Variants in SHOX observed in about 807,000 individuals in gnomAD.
The protein encoded by SHOX is short stature homeobox protein.
A neutral mutation model predicts 29.6 loss-of-function variants in SHOX; 12 were observed. The observed-to-expected ratio is 0.41, with a 90% confidence interval of 0.26 to 0.66. The LOEUF (loss-of-function observed/expected upper bound fraction) is 0.66. SHOX is among the 30% of genes least tolerant of loss of function. The probability of loss-of-function intolerance (pLI) is 0.35; values close to 1 mark genes in which losing one functional copy is unlikely to be tolerated. For synonymous variants in SHOX, 214 were observed against 200.6 expected, an observed-to-expected ratio of 1.07 and a Z score of -0.57; for missense variants, 499 against 437.7, an observed-to-expected ratio of 1.14 and a Z score of -1.25.
Position 641,056 on chromosome X carries a change from A to T in SHOX, c.602A>T (p.Asn201Ile). ...LDACRVAPYVNMGALRMPFQQ... is the reference protein window; with the variant it reads ...LDACRVAPYVIMGALRMPFQQ... ...GCCTGCCGAGTGGCACCCTACGTCA[A>T]CATGGGAGCCTTACGGATGCCTTTC... The change falls in exon 4 of 5, where the codon AAC (asparagine) becomes ATC (isoleucine). Residue 201 changes from asparagine to isoleucine, a missense_variant. By Grantham distance (149) the Asn-to-Ile change is moderately radical. Transcript: ENST00000686671. 1 of 1,613,814 alleles carries T rather than the reference A, an allele frequency of 6.2e-7. No individual in the cohort carries two copies. Among genetic ancestry groups the T allele is most frequent in the Non-Finnish European group, 8.5e-7 (1 of 1,179,826 alleles).
chrX:644,490 C>G lies in SHOX; in HGVS notation c.733C>G (p.Pro245Ala). Reference protein sequence around the residue: ...HAPYLMFPPPPFGLPIASLAE... With the variant: ...HAPYLMFPPPAFGLPIASLAE... ...GCCCTACCTGATGTTCCCCCCGCCG[C>G]CCTTCGGGCTGCCCATCGCGTCGCT... Residue 245 changes from proline to alanine, a missense_variant, in exon 5 of 5, where the codon CCC becomes GCC. Physicochemically the swap from Pro to Ala is conservative, Grantham distance 27 (BLOSUM62 -1). Coordinates refer to ENST00000686671, the MANE Select transcript of SHOX (RefSeq NM_000451.4). The G allele has an allele frequency of 6.6e-7, 1 of 1,523,630 alleles. No homozygotes were observed. The allele number at this position is 1,523,630 out of a possible 1,614,324, so 94.4% of individuals were successfully genotyped here. A position where few individuals can be genotyped will look rare whatever the true frequency, so the allele number is the denominator to read the frequency against.
intron 2 of SHOX, among the ~76,000 whole-genome samples, chrX:639,832 T>C (rs961827310): frequency 2.0e-5 from 3 of 149,590 alleles, no homozygotes; most frequent in Non-Finnish European, 3.0e-5. Flanking sequence ...TGAAACCCCG[T>C]CTCTACTAAA....
At position 649,803 on chromosome X, in the gene SHOX, T is replaced by G. The variant is rs1043757390; in HGVS notation, c.*5167T>G. ...TTTTCTTCCCTCCTCTCCCCAAAAC[T>G]TGGCCAAATAGTCCGTGGAGGGTTG... On this transcript the variant is annotated 3_prime_UTR_variant, in exon 5 of 5. Coordinates refer to ENST00000686671, the MANE Select transcript of SHOX (RefSeq NM_000451.4). 1.4e-5 allele frequency: 6 copies of G among 424,138 alleles called. No individual in the cohort carries two copies. The highest frequency in any genetic ancestry group is 1.2e-4 in the African/African-American group (6 of 49,192). The allele number at this position is 424,138 out of a possible 1,614,324, so 26.3% of individuals were successfully genotyped here. A position where few individuals can be genotyped will look rare whatever the true frequency, so the allele number is the denominator to read the frequency against.
rs183677311 is a variant in SHOX, at chrX:631,206, G to T, written c.277+32G>T. 3.3e-3 allele frequency: 5,260 copies of T among 1,611,482 alleles called. 153 individuals are homozygous for T. The African/African-American group carries it at 0.058, about 18-fold the overall frequency. The stretch of plus-strand genomic sequence containing the variant: ...TCCTTTGCGCTCCGGCTCCAGGGGG[G>T]CCCTCCTGGGGTTCGGCGCCTCCTC... On this transcript the variant is annotated intron_variant, in intron 1 of 4. Transcript: ENST00000686671.
chrX:640,315 A>C (rs1324796517), intron 2 of SHOX, among the ~76,000 whole-genome samples: 1 of 152,090 alleles, frequency 6.6e-6, no homozygotes, highest in African/African-American at 2.4e-5. Flanking sequence ...ACTGCAGTCC[A>C]GCCTGGACCA....
chrX:629,363 C>G (rs772294340), upstream of SHOX, among the ~76,000 whole-genome samples: 2 of 148,068 alleles, frequency 1.4e-5, no homozygotes, highest in South Asian at 4.4e-4. Context: ...GTCTCCATGT[C>G]TCTGTCTCTC....
intron 1 of SHOX, chrX:631,913 C>G (rs1020869080): frequency 2.2e-6 from 1 of 456,098 alleles, no homozygotes; most frequent in Non-Finnish European, 4.4e-6. Context: ...CACAGAGGAG[C>G]CGTCTCCACG....
intron 2 of SHOX, among the ~76,000 whole-genome samples, 193 bp downstream of exon 2, chrX:635,019 G>C (rs969272665): frequency 4.0e-4 from 61 of 152,084 alleles, no homozygotes; most frequent in Admixed American, 7.2e-4. Context: ...GGTTCATTGC[G>C]TTTGTTTTTC....
In SHOX at chrX:650,803, A is replaced by AAAAAAAC. The variant is rs1569495976; in HGVS notation, c.*6173_*6174insCAAAAAA. Reference sequence around the variant, plus strand: ...GACACGTTTGACATTAAAAAAAAAAAAAAAAAAAAAAAAAAACTGGTGCCT... The same window carrying AAAAAAAC: ...GACACGTTTGACATTAAAAAAAAAAAAAAAAACAAAAAAAAAAAAAAAACTGGTGCCT... On this transcript the variant is annotated 3_prime_UTR_variant, in exon 5 of 5. Transcript: ENST00000686671. 2.7e-5 allele frequency among the ~76,000 whole-genome samples: 4 copies of AAAAAAAC among 146,576 alleles called. 1 individual carries two copies. Among genetic ancestry groups the AAAAAAAC allele is most frequent in the East Asian group, 2.1e-4 (1 of 4,818 alleles).
At chrX:628,427 C>T (rs2052582533), upstream of SHOX, among the ~76,000 whole-genome samples, 1 of 145,890 alleles carries the variant, frequency 6.9e-6, no homozygotes, top group Admixed American at 6.8e-5. Context: ...CTCCCTCTCT[C>T]TCCCTGTCTG....
intron 4 of SHOX, among the ~76,000 whole-genome samples, chrX:642,196 G>T (rs1392216776): frequency 6.6e-6 from 1 of 152,058 alleles, no homozygotes; most frequent in Non-Finnish European, 1.5e-5. Flanking sequence ...CAGCGCCCAC[G>T]TGCGCCCTGC....
At chrX:635,215 C>G (rs1413507258) in intron 2 of SHOX, among the ~76,000 whole-genome samples, 1 of 152,060 alleles carries the variant, frequency 6.6e-6, no homozygotes, top group Non-Finnish European at 1.5e-5. Context: ...ATAGGGGCAA[C>G]ACATGCAAAC....
At chrX:628,733 C>G (rs367637293), upstream of SHOX, among the ~76,000 whole-genome samples, 1 of 9,748 alleles carries the variant, frequency 1.0e-4, no homozygotes, top group Non-Finnish European at 2.0e-4. Flanking sequence ...CTCTCCCTGT[C>G]TGTTTCTCTC....
downstream of SHOX, among the ~76,000 whole-genome samples, chrX:653,879 G>A (rs775008045): frequency 5.3e-5 from 8 of 151,858 alleles, no homozygotes; most frequent in South Asian, 2.1e-4. Context: ...CCAAACACAC[G>A]GAGATAAGCT....
chrX:654,817 T>C (rs2053114938), downstream of SHOX, among the ~76,000 whole-genome samples: 1 of 151,034 alleles, frequency 6.6e-6, no homozygotes, highest in South Asian at 2.1e-4. Context: ...CCCGAGTAGC[T>C]GGGATTACAG....
At chrX:641,967 T>C (rs1361686526) in intron 4 of SHOX, among the ~76,000 whole-genome samples, 3 of 152,168 alleles carry the variant, frequency 2.0e-5, no homozygotes, top group African/African-American at 4.8e-5. Context: ...TCTGCACCTC[T>C]GAGCTGGAGA....
chrX:626,903 GTC>G (rs1168842315), upstream of SHOX, among the ~76,000 whole-genome samples: 4 of 140,860 alleles, frequency 2.8e-5, no homozygotes, highest in East Asian at 2.1e-4. Flanking sequence ...CTTTTTCTCT[GTC>G]TCTCTCTGTG....
chrX:636,344 A>ATAAATATATAAACATG (rs2052750118), intron 2 of SHOX, among the ~76,000 whole-genome samples: 1 of 142,270 alleles, frequency 7.0e-6, no homozygotes, highest in Non-Finnish European at 1.5e-5. Flanking sequence ...ATAAACATAT[A>ATAAATATATAAACATG]TAAATATATA....
At chrX:657,005 C>CA (rs565447976) in intron 5 of SHOX, among the ~76,000 whole-genome samples, 165 of 13,732 alleles carry the variant, frequency 0.012, 35 homozygotes, top group African/African-American at 0.09. Context: ...GACTCTGTCT[C>CA]AAAAAAAAAA....
Sources: allele counts gnomAD v4.1 joint callset (sites outside exome capture counted in the v4.1 genomes callset), GRCh38; gene constraint gnomAD v4.1.1; transcripts MANE v1.5; gene names NCBI Gene and HGNC (gene_info 2026-07-23, HGNC 2026-07-21).